The following PIK3CB variants were observed in gnomAD, a reference collection of about 807,000 sequenced individuals.
PIK3CB encodes the protein phosphatidylinositol-4,5-bisphosphate 3-kinase catalytic subunit beta.
PIK3CB carries 39 observed loss-of-function variants against 136.8 expected under a neutral mutation model. The ratio of observed to expected loss-of-function variants is 0.29; its 90% CI spans 0.22 to 0.37. PIK3CB has a LOEUF of 0.37. Ranked by LOEUF, PIK3CB falls within the 10% of genes least tolerant of loss-of-function variation. The pLI is 1.00. For synonymous variants in PIK3CB, 428 were observed against 436.6 expected (o/e 0.98, Z 0.25); for missense variants, 868 against 1,275.4 (o/e 0.68, Z 4.87).
chr3:138,681,648 C>G (rs1559810398), intron 19 of PIK3CB, among the ~76,000 whole-genome samples: 1 of 152,194 alleles, frequency 6.6e-6, no homozygotes. Flanking sequence ...ACAGGACTTT[C>G]TCTGGCCTTG....
intron 2 of PIK3CB, among the ~76,000 whole-genome samples, chr3:138,781,988 T>A (rs1260187131): frequency 6.6e-6 from 1 of 152,208 alleles, no homozygotes; most frequent in Non-Finnish European, 1.5e-5. Context: ...ATCAAGACAA[T>A]TTCCTTGCAC....
intron 2 of PIK3CB, among the ~76,000 whole-genome samples, chr3:138,759,654 C>CAT (rs2045634306): frequency 6.6e-6 from 1 of 151,958 alleles, no homozygotes; most frequent in Non-Finnish European, 1.5e-5. Flanking sequence ...AATATATACA[C>CAT]ATACATATGT....
At chr3:138,731,210 G>T (rs1451719287) in intron 8 of PIK3CB, among the ~76,000 whole-genome samples, 1 of 152,082 alleles carries the variant, frequency 6.6e-6, no homozygotes, top group Non-Finnish European at 1.5e-5. Flanking sequence ...GGTAAGGAGA[G>T]ACCAGTACCT....
At chr3:138,804,851 C>T (rs996820888) in intron 1 of PIK3CB, among the ~76,000 whole-genome samples, 3 of 151,826 alleles carry the variant, frequency 2.0e-5, no homozygotes, top group Non-Finnish European at 2.9e-5. Context: ...GGTGAAACCC[C>T]GTCTCTACTA....
At chr3:138,751,166 C>T (rs927814731) in intron 4 of PIK3CB, among the ~76,000 whole-genome samples, 5 of 152,122 alleles carry the variant, frequency 3.3e-5, no homozygotes, top group African/African-American at 4.8e-5. Context: ...CTCTTAAATA[C>T]AGAAATTTTA....
chr3:138,825,058 C>CA (rs1237741154), intron 1 of PIK3CB: 19 of 239,514 alleles, frequency 7.9e-5, no homozygotes, highest in Middle Eastern at 2.1e-3. Flanking sequence ...GAGACCCTGT[C>CA]AAAAAAAAGA....
intron 2 of PIK3CB, among the ~76,000 whole-genome samples, chr3:138,776,402 A>G: frequency 6.6e-6 from 1 of 152,158 alleles, no homozygotes; most frequent in East Asian, 1.9e-4. Context: ...AGCTTTAAGA[A>G]TCTAAGGCCG....
intron 1 of PIK3CB, among the ~76,000 whole-genome samples, chr3:138,811,361 T>C (rs1194355610): frequency 6.6e-6 from 1 of 151,226 alleles, no homozygotes; most frequent in Non-Finnish European, 1.5e-5. Flanking sequence ...ATAAACTATA[T>C]ATTAGGTAAC....
chr3:138,776,687 C>A (rs1303408427), intron 2 of PIK3CB, among the ~76,000 whole-genome samples: 4 of 151,660 alleles, frequency 2.6e-5, no homozygotes, highest in South Asian at 4.2e-4. Flanking sequence ...CAGAGTGAGA[C>A]CCTGTCTCAA....
Position 138,785,008 on chromosome 3 carries a change from G to A in PIK3CB, c.-17+11455C>T, listed in dbSNP as rs560721422. On this transcript the variant is annotated intron_variant, in intron 2 of 23. Coordinates refer to ENST00000674063, the MANE Select transcript of PIK3CB (RefSeq NM_006219.3). ...AGCCCCTCCACCCGGCAGCCGCCCC[G>A]TCTGGGAAGTGAGGAGCCCCTCCGC... Among the ~76,000 whole-genome samples the A allele has an allele frequency of 3.4e-3, 513 of 151,832 alleles. 10 individuals are homozygous for A. The highest frequency in any genetic ancestry group is 0.03 in the Admixed American group (453 of 15,256).
intron 13 of PIK3CB, among the ~76,000 whole-genome samples, chr3:138,696,622 A>G (rs2108523213): frequency 6.6e-6 from 1 of 152,288 alleles, no homozygotes; most frequent in African/African-American, 2.4e-5. Flanking sequence ...ACGGAATCAA[A>G]ATCTCATGGG....
intron 21 of PIK3CB, among the ~76,000 whole-genome samples, chr3:138,658,467 C>A (rs889746912): frequency 3.9e-5 from 6 of 151,958 alleles, no homozygotes; most frequent in Admixed American, 6.6e-5. Flanking sequence ...ACAACAACAA[C>A]AAAAAAGTAC....
intron 4 of PIK3CB, among the ~76,000 whole-genome samples, chr3:138,748,118 T>C (rs779688601): frequency 1.3e-5 from 2 of 151,264 alleles, no homozygotes; most frequent in African/African-American, 2.4e-5. Flanking sequence ...TAATATGAAC[T>C]TTTTGGAGGG....
intron 16 of PIK3CB, among the ~76,000 whole-genome samples, chr3:138,685,420 A>AAAAAAAAAAAAAAAGAAAGAAAG (rs2043866681): frequency 1.2e-5 from 1 of 86,926 alleles, no homozygotes; most frequent in African/African-American, 3.4e-5. Flanking sequence ...AAAAAAAAAA[A>AAAAAAAAAAAAAAAGAAAGAAAG]AAAGAAAGAA....
intron 19 of PIK3CB, among the ~76,000 whole-genome samples, chr3:138,673,684 C>CACACACACACGT (rs1219235001): frequency 2.0e-5 from 3 of 151,956 alleles, no homozygotes; most frequent in Non-Finnish European, 4.4e-5. Flanking sequence ...TTATTTAAAA[C>CACACACACACGT]ACACACACAC....
chr3:138,685,783 T>TA (rs2043877721), intron 16 of PIK3CB, among the ~76,000 whole-genome samples: 1 of 152,104 alleles, frequency 6.6e-6, no homozygotes. Flanking sequence ...AAAAAAAACT[T>TA]ATGCAAGTAG....
Position 138,748,555 on chromosome 3 carries a change from G to A in PIK3CB, c.398-5774C>T, listed in dbSNP as rs561899586. Among the ~76,000 whole-genome samples, 313 of 152,070 alleles carry A rather than the reference G, an allele frequency of 2.1e-3. 1 individual carries two copies. Among genetic ancestry groups the A allele is most frequent in the African/African-American group, 7.1e-3 (296 of 41,472 alleles). On this transcript the variant is annotated intron_variant, in intron 4 of 23. Transcript: ENST00000674063. ...ATATGAATATTTGCTGCAGTTTTGT[G>A]TATAATAATTAAAATGTAATCTAAA...
intron 8 of PIK3CB, among the ~76,000 whole-genome samples, chr3:138,725,701 C>T (rs1275048582): frequency 6.6e-6 from 1 of 152,084 alleles, no homozygotes; most frequent in African/African-American, 2.4e-5. Flanking sequence ...TTCCTTATAT[C>T]TTCTATTTAA....
In PIK3CB at chr3:138,742,637, T is replaced by A; in HGVS notation, c.542A>T (p.Glu181Val). The change falls in exon 5 of 24, where the codon GAA becomes GTA. Residue 181 changes from glutamate (E) to valine (V), a missense_variant. By Grantham distance (121) the Glu-to-Val change is moderately radical. Transcript: ENST00000674063. The part of the protein sequence containing the change: ...WLKQTYPPEH[E>V]PSIPENLEDK... ...TTCTAAGTTTTCAGGGATGGATGGTTCATGCTCTGGTGGATATGTTTGTTT... is the reference window on the plus strand; with the variant it reads ...TTCTAAGTTTTCAGGGATGGATGGTACATGCTCTGGTGGATATGTTTGTTT... The A allele has an allele frequency of 6.2e-7, 1 of 1,610,304 alleles. No individual in the cohort carries two copies. The highest frequency in any genetic ancestry group is 1.1e-5 in the South Asian group (1 of 90,962).
Sources: gnomAD v4.1 joint callset for allele counts (sites outside exome capture counted in the v4.1 genomes callset) on GRCh38, gnomAD v4.1.1 for gene constraint, MANE v1.5 for transcripts, NCBI Gene and HGNC (gene_info 2026-07-23, HGNC 2026-07-21) for gene names.